Variants in INTS3 observed in about 807,000 individuals in gnomAD.
The protein encoded by INTS3 is integrator complex subunit 3, also known as SOSS complex subunit A.
Under a neutral mutation model 146.3 loss-of-function variants are expected in INTS3, and 34 were observed. The ratio of observed to expected loss-of-function variants is 0.23; its 90% CI spans 0.18 to 0.31. INTS3 has a LOEUF of 0.31. Among genes scored for constraint, INTS3 ranks in the 10% least tolerant of loss-of-function variants. INTS3 has a pLI of 1.00. For missense variants in INTS3, 757 were observed against 1,304.2 expected (o/e 0.58, Z 6.46); for synonymous variants, 475 against 494.9 (o/e 0.96, Z 0.53).
intron 1 of INTS3, among the ~76,000 whole-genome samples, chr1:153,729,901 T>C (rs1287356809): frequency 1.3e-5 from 2 of 150,360 alleles, no homozygotes; most frequent in Non-Finnish European, 3.0e-5. Flanking sequence ...GATCCAGAGC[T>C]GAGACGTGAT....
rs1670942237 is a variant in INTS3, at chr1:153,728,470, G to A, written c.-165G>A. ...CTGTGCCTTCGCCCCCAACGCAGGC[G>A]CGGCCTTTTGGAGAGGAGGGAGGAG... is the stretch of plus-strand genomic sequence containing the variant. On this transcript the variant is annotated 5_prime_UTR_variant, in exon 1 of 30. Transcript: ENST00000318967. 2 of 791,414 alleles carry A rather than the reference G, an allele frequency of 2.5e-6. No individual in the cohort carries two copies. Among genetic ancestry groups the A allele is most frequent in the Admixed American group, 3.1e-5 (1 of 32,548 alleles). 49.0% of individuals were successfully genotyped at this position (791,414 alleles called of 1,614,324 possible).
At chr1:153,746,352 G>C (rs920134189) in intron 3 of INTS3, among the ~76,000 whole-genome samples, 1 of 152,176 alleles carries the variant, frequency 6.6e-6, no homozygotes, top group Non-Finnish European at 1.5e-5. Context: ...GGAAGTGGGG[G>C]GGACAGGGAT....
In INTS3 at chr1:153,773,791, G is replaced by A. The variant is rs578011475; in HGVS notation, c.*521G>A. The A allele has an allele frequency of 6.8e-4, 120 of 176,240 alleles. No homozygotes were observed. Among genetic ancestry groups the A allele is most frequent in the African/African-American group, 2.7e-3 (114 of 41,686 alleles). The allele number at this position is 176,240 out of a possible 1,614,324, so 10.9% of individuals were successfully genotyped here. ...GAAATGGGCATCTATGACGTGGTCA[G>A]GGTGTCCATTCCTAATCATGGGGCA... On this transcript the variant is annotated 3_prime_UTR_variant, in exon 30 of 30. Coordinates refer to ENST00000318967, the MANE Select transcript of INTS3 (RefSeq NM_023015.5).
Position 153,760,408 on chromosome 1 carries a change from C to G in INTS3, c.1317+18C>G, listed in dbSNP as rs768913862. 4 of 1,600,102 alleles carry G rather than the reference C, an allele frequency of 2.5e-6. No homozygotes were observed. Among genetic ancestry groups the G allele is most frequent in the African/African-American group, 1.3e-5 (1 of 74,610 alleles). On this transcript the variant is annotated intron_variant, in intron 12 of 29. Transcript: ENST00000318967. ...TGTGCCGCGTAAGTGTTAGAGCTCT[C>G]TTTTCTCCCCATGCCTGGATGAGCA...
chr1:153,746,348 G>C (rs961644196), intron 3 of INTS3, among the ~76,000 whole-genome samples: 9 of 152,078 alleles, frequency 5.9e-5, no homozygotes, highest in African/African-American at 1.7e-4. Context: ...GATGGGAAGT[G>C]GGGGGGACAG....
rs1232262643 is a variant in INTS3 at position 153,771,451 on chromosome 1, A to AG, written c.2553-342dup. ...AGCCAGGTTGGCCCACAGCTTTAGC[A>AG]GGGTAGGGGTAGGGGAGCATCTGCA... On this transcript the variant is annotated intron_variant, in intron 25 of 29. Transcript: ENST00000318967. Among the ~76,000 whole-genome samples, 765 of 151,840 alleles carry AG rather than the reference A, an allele frequency of 5.0e-3. 9 individuals are homozygous for AG. The highest frequency in any genetic ancestry group is 0.018 in the African/African-American group (730 of 41,284).
intron 8 of INTS3, among the ~76,000 whole-genome samples, chr1:153,753,511 C>T (rs1672040790): frequency 6.6e-6 from 1 of 150,840 alleles, no homozygotes; most frequent in African/African-American, 2.4e-5. Context: ...AAGCCGAGAT[C>T]GCGCCACTGC....
chr1:153,773,495 C>G lies in INTS3; in HGVS notation c.*225C>G. Reference sequence around the variant, plus strand: ...GCCTCCAGCCCCTCACACTGCTGTTCCCAGTGATATTTGGGATCTGACTGA... The same window carrying G: ...GCCTCCAGCCCCTCACACTGCTGTTGCCAGTGATATTTGGGATCTGACTGA... On this transcript the variant is annotated 3_prime_UTR_variant, in exon 30 of 30. Coordinates refer to ENST00000318967, the MANE Select transcript of INTS3 (RefSeq NM_023015.5). 2 of 602,842 alleles carry G rather than the reference C, an allele frequency of 3.3e-6. No homozygotes were observed. Among genetic ancestry groups the G allele is most frequent in the South Asian group, 2.1e-5 (1 of 46,760 alleles). The allele number at this position is 602,842 out of a possible 1,614,324, so 37.3% of individuals were successfully genotyped here.
chr1:153,755,591 T>TGAA (rs1215939710), intron 9 of INTS3, among the ~76,000 whole-genome samples: 1 of 152,062 alleles, frequency 6.6e-6, no homozygotes, highest in Non-Finnish European at 1.5e-5. Flanking sequence ...TCCCAGGCCA[T>TGAA]TCCTCTGCGG....
intron 1 of INTS3, 34 bp downstream of exon 1, chr1:153,728,818 T>C: frequency 1.6e-6 from 2 of 1,266,100 alleles, no homozygotes; most frequent in Non-Finnish European, 1.0e-6. Context: ...AGTTAAGAAA[T>C]TGGGTTTTGG....
intron 20 of INTS3, chr1:153,766,979 G>A (rs1364626838): frequency 6.6e-6 from 1 of 152,072 alleles, no homozygotes; most frequent in African/African-American, 2.4e-5. Context: ...CAAAGCGCTG[G>A]GATTACAGGC....
At chr1:153,769,073 C>A in intron 22 of INTS3, 112 bp downstream of exon 22, 1 of 839,660 alleles carries the variant, frequency 1.2e-6, no homozygotes, top group Non-Finnish European at 2.0e-6. Context: ...TCCCAGGCAC[C>A]CTCCCTCCTG....
intron 7 of INTS3, 111 bp downstream of exon 7, chr1:153,751,350 A>G: frequency 9.3e-7 from 1 of 1,078,802 alleles, no homozygotes; most frequent in East Asian, 2.4e-5. Flanking sequence ...AGGTGCATCA[A>G]GATCTGGTGT....
At chr1:153,737,074 A>C (rs1414513625) in intron 1 of INTS3, among the ~76,000 whole-genome samples, 1 of 151,966 alleles carries the variant, frequency 6.6e-6, no homozygotes, top group Non-Finnish European at 1.5e-5. Flanking sequence ...GCCGTCTTTC[A>C]TTCTTAAACC....
chr1:153,768,197 A>G (rs1326834519), intron 21 of INTS3, among the ~76,000 whole-genome samples: 1 of 152,130 alleles, frequency 6.6e-6, no homozygotes, highest in Non-Finnish European at 1.5e-5. Flanking sequence ...ATTCTCTCTG[A>G]TAGTTCCTGA....
intron 8 of INTS3, among the ~76,000 whole-genome samples, chr1:153,753,206 C>T (rs1023177402): frequency 6.6e-6 from 1 of 152,172 alleles, no homozygotes; most frequent in Non-Finnish European, 1.5e-5. Context: ...TGTGTTACCT[C>T]ATTTAATCTT....
At chr1:153,730,980 C>T (rs946103951) in intron 1 of INTS3, among the ~76,000 whole-genome samples, 1 of 152,024 alleles carries the variant, frequency 6.6e-6, no homozygotes, top group African/African-American at 2.4e-5. Context: ...TGGTGTTGAT[C>T]GACTGACCTC....
intron 1 of INTS3, among the ~76,000 whole-genome samples, chr1:153,734,274 G>T (rs1329212835): frequency 6.6e-6 from 1 of 152,208 alleles, no homozygotes; most frequent in Admixed American, 6.5e-5. Context: ...GCTATTACTT[G>T]ATTGTAGGGA....
At chr1:153,746,132 C>T (rs1671725964) in intron 3 of INTS3, among the ~76,000 whole-genome samples, 1 of 152,196 alleles carries the variant, frequency 6.6e-6, no homozygotes, top group Non-Finnish European at 1.5e-5. Context: ...CTGTCTAGGG[C>T]CCTGCCCTGG....
Sources: allele counts gnomAD v4.1 joint callset (sites outside exome capture counted in the v4.1 genomes callset), GRCh38; gene constraint gnomAD v4.1.1; transcripts MANE v1.5; gene names NCBI Gene and HGNC (gene_info 2026-07-23, HGNC 2026-07-21).